Variants in LINGO2 observed in about 807,000 individuals in gnomAD.
The protein encoded by LINGO2 is leucine-rich repeat and immunoglobulin-like domain-containing nogo receptor-interacting protein 2.
In LINGO2, 14 loss-of-function variants were observed where a neutral mutation model predicts 30.6. That is an observed-to-expected ratio of 0.46 (90% CI 0.30 to 0.72). LINGO2 has a LOEUF of 0.72. Ranked by LOEUF, LINGO2 falls within the 30% of genes least tolerant of loss-of-function variation. The pLI, the probability that LINGO2 is intolerant of heterozygous loss-of-function variation, is 0.07. For missense variants in LINGO2, 729 were observed against 751.7 expected (o/e 0.97, Z 0.35); for synonymous variants, 317 against 288.5 (o/e 1.10, Z -1.00).
chr9:29,058,437 A>G, the LINGO2 span, among the ~76,000 whole-genome samples: 1 of 152,112 alleles, frequency 6.6e-6, no homozygotes, highest in Non-Finnish European at 1.5e-5. Context: ...TAAAAAGTAC[A>G]TAAATGGCCT....
intron 4 of LINGO2, among the ~76,000 whole-genome samples, chr9:28,287,233 T>G (rs942606290): frequency 6.6e-6 from 1 of 152,246 alleles, no homozygotes. Context: ...CTGACTCTGA[T>G]GTACTACTAC....
chr9:28,087,306 T>C (rs1825943399), intron 4 of LINGO2, among the ~76,000 whole-genome samples: 1 of 152,064 alleles, frequency 6.6e-6, no homozygotes. Context: ...TTTGGGGTTA[T>C]TTGTTATACA....
At chr9:28,014,562 G>C (rs1822727546) in intron 4 of LINGO2, among the ~76,000 whole-genome samples, 1 of 78,788 alleles carries the variant, frequency 1.3e-5, no homozygotes, top group African/African-American at 6.1e-5. Flanking sequence ...TTTTATCCAG[G>C]ATAAGACAAT....
intron 4 of LINGO2, among the ~76,000 whole-genome samples, chr9:28,126,759 C>A (rs1322276457): frequency 6.6e-6 from 1 of 152,160 alleles, no homozygotes; most frequent in African/African-American, 2.4e-5. Context: ...AGTCCCAGCC[C>A]ATGGCATTCC....
At chr9:29,021,907 T>C in the LINGO2 span, among the ~76,000 whole-genome samples, 6 of 152,154 alleles carry the variant, frequency 3.9e-5, no homozygotes, top group African/African-American at 9.7e-5. Context: ...ATTAACATAA[T>C]ACATAACTTG....
intron 2 of LINGO2, among the ~76,000 whole-genome samples, chr9:28,450,242 G>T (rs1824598428): frequency 6.6e-6 from 1 of 151,942 alleles, no homozygotes; most frequent in Non-Finnish European, 1.5e-5. Flanking sequence ...AGACCCCTAA[G>T]TCCAATCTAA....
chr9:28,054,169 A>C (rs2133079908), intron 4 of LINGO2, among the ~76,000 whole-genome samples: 1 of 152,220 alleles, frequency 6.6e-6, no homozygotes, highest in Admixed American at 6.5e-5. Flanking sequence ...CCTGTTGTAC[A>C]TTTATTATAA....
At chr9:28,632,877 TATGTAGAGAGAG>T (rs1311807920) in intron 1 of LINGO2, among the ~76,000 whole-genome samples, 3,012 of 90,672 alleles carry the variant, frequency 0.033, 115 homozygotes, top group Admixed American at 0.15. Flanking sequence ...TATATATATA[TATGTAGAGAGAG>T]AGAGAGAGAG....
At position 28,004,028 on chromosome 9, in the gene LINGO2, A is replaced by G. The variant is rs115527535; in HGVS notation, c.-36+8327T>C. Among the ~76,000 whole-genome samples, 473 of 152,302 alleles carry G rather than the reference A, an allele frequency of 3.1e-3. 3 individuals carry two copies. Among genetic ancestry groups the G allele is most frequent in the African/African-American group, 0.011 (445 of 41,562 alleles). ...CCACTTAATACATAATTTAACCCAAAGGTGACATGCTTTCTTTTTAAGAAC... is the reference window on the plus strand; with the variant it reads ...CCACTTAATACATAATTTAACCCAAGGGTGACATGCTTTCTTTTTAAGAAC... On this transcript the variant is annotated intron_variant, in intron 5 of 5. Coordinates refer to ENST00000379992, the Ensembl canonical transcript of LINGO2.
intron 4 of LINGO2, among the ~76,000 whole-genome samples, chr9:28,253,844 G>C (rs1822291714): frequency 6.6e-6 from 1 of 152,044 alleles, no homozygotes; most frequent in Non-Finnish European, 1.5e-5. Context: ...ACTCCAACCA[G>C]CCTACACACT....
chr9:28,006,769 A>G (rs1477064427), intron 5 of LINGO2, among the ~76,000 whole-genome samples: 5 of 152,152 alleles, frequency 3.3e-5, no homozygotes, highest in Non-Finnish European at 7.4e-5. Context: ...CTAGCAGATC[A>G]TGGCATGCTA....
chr9:28,900,612 A>G, the LINGO2 span, among the ~76,000 whole-genome samples: 1 of 152,234 alleles, frequency 6.6e-6, no homozygotes, highest in African/African-American at 2.4e-5. Flanking sequence ...TGACTCCAGC[A>G]GCAAGTCCAT....
the LINGO2 span, among the ~76,000 whole-genome samples, chr9:29,187,047 GGTTAAGTTCC>G: frequency 6.6e-6 from 1 of 152,076 alleles, no homozygotes; most frequent in South Asian, 2.1e-4. Flanking sequence ...TTTCAAATGA[GGTTAAGTTCC>G]TTGTACCAAC....
chr9:29,117,802 T>C, the LINGO2 span, among the ~76,000 whole-genome samples: 2 of 152,232 alleles, frequency 1.3e-5, no homozygotes, highest in Non-Finnish European at 2.9e-5. Flanking sequence ...TAAGTGATTC[T>C]TGCAGTCCCA....
chr9:28,936,808 C>T, the LINGO2 span, among the ~76,000 whole-genome samples: 21 of 152,238 alleles, frequency 1.4e-4, no homozygotes, highest in Non-Finnish European at 2.4e-4. Context: ...GCTGGTATAA[C>T]GATATATCAC....
the LINGO2 span, among the ~76,000 whole-genome samples, chr9:28,771,757 C>T: frequency 6.6e-6 from 1 of 151,982 alleles, no homozygotes; most frequent in Non-Finnish European, 1.5e-5. Flanking sequence ...GAAAGATTGG[C>T]TATTAGGAAA....
At chr9:28,829,402 C>T in the LINGO2 span, among the ~76,000 whole-genome samples, 4 of 152,260 alleles carry the variant, frequency 2.6e-5, no homozygotes, top group Admixed American at 6.5e-5. Context: ...CCTCTGCCCT[C>T]GCAAAAAGGC....
At chr9:28,620,616 G>C (rs1227857223) in intron 1 of LINGO2, among the ~76,000 whole-genome samples, 1 of 152,012 alleles carries the variant, frequency 6.6e-6, no homozygotes, top group Non-Finnish European at 1.5e-5. Flanking sequence ...ATTGGACAGA[G>C]AGAGCCAAGA....
chr9:28,577,050 C>T (rs1421469301), intron 1 of LINGO2, among the ~76,000 whole-genome samples: 1 of 152,138 alleles, frequency 6.6e-6, no homozygotes, highest in Non-Finnish European at 1.5e-5. Context: ...GGGCTTGGGC[C>T]AAGCTAACTT....
Sources: allele counts gnomAD v4.1 joint callset (sites outside exome capture counted in the v4.1 genomes callset), GRCh38; gene constraint gnomAD v4.1.1; transcripts MANE v1.5; gene names NCBI Gene and HGNC (gene_info 2026-07-23, HGNC 2026-07-21).